Variants in SH3KBP1 observed in about 807,000 individuals in gnomAD.
SH3KBP1 encodes the protein SH3 domain containing kinase binding protein 1, also known as SH3 domain-containing kinase-binding protein 1.
SH3KBP1 carries 8 observed loss-of-function variants against 50.1 expected under a neutral mutation model. The ratio of observed to expected loss-of-function variants is 0.16; its 90% CI spans 0.09 to 0.29. The LOEUF (loss-of-function observed/expected upper bound fraction) is 0.29, where lower values mean the gene tolerates loss of function less well. Among genes scored for constraint, SH3KBP1 ranks in the 10% least tolerant of loss-of-function variants. The pLI, the probability that SH3KBP1 is intolerant of heterozygous loss-of-function variation, is 1.00. For synonymous variants in SH3KBP1, 227 were observed against 218.6 expected (o/e 1.04, Z -0.34); for missense variants, 377 against 535.2 (o/e 0.70, Z 2.92).
At chrX:19,745,741 G>A (rs1341375575) in intron 3 of SH3KBP1, among the ~76,000 whole-genome samples, 1 of 111,919 alleles carries the variant, frequency 8.9e-6, no homozygotes, top group Non-Finnish European at 1.9e-5. Flanking sequence ...ATCACCAAGA[G>A]GGGATGGGAG....
intron 2 of SH3KBP1, among the ~76,000 whole-genome samples, chrX:19,763,481 T>C (rs1294178161): frequency 8.9e-6 from 1 of 112,486 alleles, no homozygotes; most frequent in Non-Finnish European, 1.9e-5. Flanking sequence ...TCAATTCTCC[T>C]ACATAGCATC....
chrX:19,590,455 A>G (rs928136672), intron 11 of SH3KBP1, among the ~76,000 whole-genome samples: 13 of 111,237 alleles, frequency 1.2e-4, no homozygotes, highest in Admixed American at 8.6e-4. Flanking sequence ...ATCATGGGAG[A>G]GGAAGGAACC....
chrX:19,836,286 G>C lies in SH3KBP1; in HGVS notation c.5-4C>G. On this transcript the variant is annotated splice_region_variant and splice_polypyrimidine_tract_variant and intron_variant, in intron 1 of 17. Transcript: ENST00000397821. ...TCAAACTCCACTATGGCCTCCACTGGAAGGAACAGGGAAAACAGAGTAATT... is the reference window on the plus strand; with the variant it reads ...TCAAACTCCACTATGGCCTCCACTGCAAGGAACAGGGAAAACAGAGTAATT... The C allele has an allele frequency of 8.3e-7, 1 of 1,206,566 alleles. No individual in the cohort carries two copies. The highest frequency in any genetic ancestry group is 1.1e-6 in the Non-Finnish European group (1 of 891,745).
At chrX:19,818,241 T>C (rs929082273) in intron 2 of SH3KBP1, among the ~76,000 whole-genome samples, 5 of 112,393 alleles carry the variant, frequency 4.4e-5, no homozygotes, top group African/African-American at 1.6e-4. Flanking sequence ...CATATGTTCA[T>C]TGCTAGTATC....
intron 9 of SH3KBP1, among the ~76,000 whole-genome samples, chrX:19,600,999 G>C (rs747619080): frequency 2.5e-4 from 28 of 111,482 alleles, no homozygotes; most frequent in African/African-American, 8.5e-4. Context: ...CCAGACTACG[G>C]GAATTCATTT....
chrX:19,562,423 C>A (rs1468702667), intron 13 of SH3KBP1, among the ~76,000 whole-genome samples: 2 of 111,468 alleles, frequency 1.8e-5, no homozygotes, highest in Non-Finnish European at 3.8e-5. Flanking sequence ...CTTCCACATT[C>A]ATTTTCAGTT....
chrX:19,730,476 C>T (rs751319808), intron 3 of SH3KBP1, among the ~76,000 whole-genome samples: 3 of 111,054 alleles, frequency 2.7e-5, no homozygotes, highest in African/African-American at 9.8e-5. Flanking sequence ...CCAAAGAATC[C>T]ATCCAAGTGG....
intron 2 of SH3KBP1, among the ~76,000 whole-genome samples, chrX:19,827,218 A>G (rs1314894075): frequency 6.2e-5 from 7 of 112,340 alleles, no homozygotes; most frequent in Non-Finnish European, 1.3e-4. Context: ...GCAAGTGTAC[A>G]CACTTCACCC....
intron 15 of SH3KBP1, among the ~76,000 whole-genome samples, chrX:19,543,019 G>A (rs943886300): frequency 2.2e-4 from 25 of 112,141 alleles, no homozygotes; most frequent in South Asian, 1.8e-3. Context: ...AGCTAGAAGC[G>A]GTCAGGGTTG....
chrX:19,774,704 A>C (rs2065917976), intron 2 of SH3KBP1, among the ~76,000 whole-genome samples: 1 of 106,042 alleles, frequency 9.4e-6, no homozygotes, highest in Non-Finnish European at 1.9e-5. Context: ...GAAAGAAAGA[A>C]AGAAAGAAGA....
At chrX:19,755,211 T>C (rs1462668408) in intron 2 of SH3KBP1, among the ~76,000 whole-genome samples, 1 of 110,418 alleles carries the variant, frequency 9.1e-6, no homozygotes, top group African/African-American at 3.3e-5. Context: ...CTACTAAAGA[T>C]ACAAAAAATT....
At chrX:19,819,343 A>G (rs4825315) in intron 2 of SH3KBP1, among the ~76,000 whole-genome samples, 21,875 of 109,223 alleles carry the variant, frequency 0.2, 2,235 homozygotes, top group African/African-American at 0.39. Flanking sequence ...CTTTTTATTT[A>G]TTTATTTTGA....
intron 12 of SH3KBP1, among the ~76,000 whole-genome samples, chrX:19,584,020 C>G (rs1176515508): frequency 1.1e-5 from 1 of 91,659 alleles, no homozygotes; most frequent in Non-Finnish European, 2.0e-5. Flanking sequence ...ATATATATTA[C>G]AAATATATGA....
chrX:19,859,893 G>A (rs2068740414), intron 1 of SH3KBP1, among the ~76,000 whole-genome samples: 1 of 111,239 alleles, frequency 9.0e-6, no homozygotes, highest in Admixed American at 9.6e-5. Context: ...AGTCAGGGAT[G>A]GGAAACACAA....
intron 2 of SH3KBP1, among the ~76,000 whole-genome samples, chrX:19,754,592 C>T (rs917380607): frequency 9.0e-6 from 1 of 111,512 alleles, no homozygotes; most frequent in African/African-American, 3.3e-5. Context: ...CTCAGTCTGC[C>T]TAGTAGCTGG....
chrX:19,682,137 C>T (rs942470040), intron 6 of SH3KBP1, among the ~76,000 whole-genome samples: 1 of 110,454 alleles, frequency 9.1e-6, no homozygotes, highest in East Asian at 2.8e-4. Flanking sequence ...TTTAGGCAAA[C>T]GGATATGAAT....
At chrX:19,594,867 C>T (rs1237469967) in intron 10 of SH3KBP1, 82 bp downstream of exon 10, 11 of 767,401 alleles carry the variant, frequency 1.4e-5, no homozygotes, top group Admixed American at 2.3e-5. Context: ...CCAGGAATCC[C>T]GAACTCTACA....
intron 8 of SH3KBP1, among the ~76,000 whole-genome samples, chrX:19,614,586 G>C (rs2067548764): frequency 8.9e-6 from 1 of 111,958 alleles, no homozygotes; most frequent in African/African-American, 3.2e-5. Context: ...GTGGGGAATG[G>C]GCACAGGAAA....
At chrX:19,639,396 A>G (rs778462398) in intron 7 of SH3KBP1, among the ~76,000 whole-genome samples, 2 of 111,676 alleles carry the variant, frequency 1.8e-5, no homozygotes, top group Non-Finnish European at 3.8e-5. Context: ...TGTCTCTACA[A>G]TGCAGCAGAG....
Sources: gnomAD v4.1 joint callset for allele counts (sites outside exome capture counted in the v4.1 genomes callset) on GRCh38, gnomAD v4.1.1 for gene constraint, MANE v1.5 for transcripts, NCBI Gene and HGNC (gene_info 2026-07-23, HGNC 2026-07-21) for gene names.